The following GRID2 variants were observed in gnomAD, a reference collection of about 807,000 sequenced individuals.
GRID2 encodes glutamate ionotropic receptor delta type subunit 2.
In GRID2, 33 loss-of-function variants were observed where a neutral mutation model predicts 114.8. That is an observed-to-expected ratio of 0.29 (90% CI 0.22 to 0.38). The LOEUF is 0.38. Among genes scored for constraint, GRID2 ranks in the 10% least tolerant of loss-of-function variants. GRID2 has a pLI of 1.00. For synonymous variants in GRID2, 505 were observed against 449.9 expected, an observed-to-expected ratio of 1.12 and a Z score of -1.55; for missense variants, 1,184 against 1,257.7, an observed-to-expected ratio of 0.94 and a Z score of 0.89.
intron 1 of GRID2, among the ~76,000 whole-genome samples, chr4:92,575,809 C>T (rs1160638978): frequency 6.6e-6 from 1 of 152,162 alleles, no homozygotes; most frequent in Non-Finnish European, 1.5e-5. Context: ...TTTGAACAGC[C>T]AAGGTGGTGG....
chr4:93,685,812 C>T (rs923021090), intron 14 of GRID2, among the ~76,000 whole-genome samples: 2 of 152,012 alleles, frequency 1.3e-5, no homozygotes, highest in Non-Finnish European at 2.9e-5. Flanking sequence ...TGACTCTGCC[C>T]CTATTTCCAT....
chr4:93,167,568 C>T lies in GRID2; in HGVS notation c.736-39836C>T, dbSNP rs72889634. On this transcript the variant is annotated intron_variant, in intron 4 of 15. Transcript: ENST00000282020. ...TCTGCAACACAACCACCACCACCAACAGAAAATGGCAAGAAAGGAAATAAA... is the reference window on the plus strand; with the variant it reads ...TCTGCAACACAACCACCACCACCAATAGAAAATGGCAAGAAAGGAAATAAA... 2.3e-3 allele frequency among the ~76,000 whole-genome samples: 354 copies of T among 152,124 alleles called. 2 individuals are homozygous for T. Among genetic ancestry groups the T allele is most frequent in the African/African-American group, 8.0e-3 (334 of 41,504 alleles).
intron 2 of GRID2, among the ~76,000 whole-genome samples, chr4:92,632,677 A>G (rs1184114770): frequency 1.3e-5 from 2 of 149,542 alleles, no homozygotes; most frequent in South Asian, 4.2e-4. Flanking sequence ...TGAAGAAAGG[A>G]AAGGAAGGGA....
At chr4:93,554,455 G>T (rs1236815219) in intron 13 of GRID2, among the ~76,000 whole-genome samples, 4 of 151,150 alleles carry the variant, frequency 2.6e-5, no homozygotes, top group South Asian at 2.1e-4. Context: ...TTAAATTTTT[G>T]GTTACAGATA....
chr4:93,507,132 C>A (rs1025028475), intron 12 of GRID2, among the ~76,000 whole-genome samples: 2 of 152,166 alleles, frequency 1.3e-5, no homozygotes, highest in Non-Finnish European at 2.9e-5. Context: ...AAGGACACCC[C>A]TTCAGGCACT....
intron 2 of GRID2, among the ~76,000 whole-genome samples, chr4:92,673,741 T>A (rs1223138168): frequency 1.3e-5 from 2 of 152,164 alleles, no homozygotes; most frequent in Non-Finnish European, 2.9e-5. Flanking sequence ...AGTTGACTTT[T>A]CTGTCCTTGT....
intron 2 of GRID2, among the ~76,000 whole-genome samples, chr4:92,986,471 G>T (rs572068195): frequency 2.0e-5 from 3 of 152,098 alleles, no homozygotes; most frequent in African/African-American, 7.2e-5. Context: ...GTTGGTCATG[G>T]TAGGCACAGG....
chr4:92,417,086 A>T (rs1308915777), intron 1 of GRID2, among the ~76,000 whole-genome samples: 1 of 151,938 alleles, frequency 6.6e-6, no homozygotes, highest in African/African-American at 2.4e-5. Context: ...CAGTGTTTTC[A>T]AATATATGTA....
At chr4:93,097,562 T>C (rs923496561) in intron 3 of GRID2, among the ~76,000 whole-genome samples, 3 of 151,802 alleles carry the variant, frequency 2.0e-5, no homozygotes, top group Non-Finnish European at 4.4e-5. Flanking sequence ...TCAATCAAAA[T>C]TTTGCAGGGT....
chr4:93,094,922 T>C (rs2149333305), intron 3 of GRID2, among the ~76,000 whole-genome samples: 1 of 152,046 alleles, frequency 6.6e-6, no homozygotes, highest in East Asian at 1.9e-4. Context: ...TTGATGTTGG[T>C]ATTTGAAAAA....
chr4:92,488,453 G>C (rs578126831), intron 1 of GRID2, among the ~76,000 whole-genome samples: 7 of 152,134 alleles, frequency 4.6e-5, no homozygotes, highest in Non-Finnish European at 1.0e-4. Flanking sequence ...GAAGGATTTG[G>C]GGTGCTGGCA....
intron 2 of GRID2, among the ~76,000 whole-genome samples, chr4:92,901,379 T>A (rs1747572944): frequency 6.6e-6 from 1 of 152,154 alleles, no homozygotes; most frequent in South Asian, 2.1e-4. Flanking sequence ...GCTTGTAGAT[T>A]CTGGATGTTA....
At chr4:92,787,787 A>G (rs1439685474) in intron 2 of GRID2, among the ~76,000 whole-genome samples, 1 of 151,858 alleles carries the variant, frequency 6.6e-6, no homozygotes, top group Non-Finnish European at 1.5e-5. Flanking sequence ...AGGTGTTACC[A>G]TTATCCTGAT....
chr4:92,686,890 C>A (rs1439736778), intron 2 of GRID2, among the ~76,000 whole-genome samples: 1 of 151,908 alleles, frequency 6.6e-6, no homozygotes, highest in Non-Finnish European at 1.5e-5. Flanking sequence ...TAGAGTTTTT[C>A]AAAAAATATG....
At chr4:92,640,149 A>G (rs2149252679) in intron 2 of GRID2, among the ~76,000 whole-genome samples, 1 of 151,958 alleles carries the variant, frequency 6.6e-6, no homozygotes, top group East Asian at 1.9e-4. Flanking sequence ...ATACCGTTTT[A>G]CACAAAATGG....
chr4:93,403,229 A>G (rs10029349), intron 9 of GRID2, among the ~76,000 whole-genome samples: 35,104 of 152,048 alleles, frequency 0.23, 5,792 homozygotes, highest in African/African-American at 0.47. Flanking sequence ...GATATCTAAA[A>G]TAAACTTAAA....
At chr4:92,942,912 G>A (rs994020737) in intron 2 of GRID2, among the ~76,000 whole-genome samples, 5 of 152,118 alleles carry the variant, frequency 3.3e-5, no homozygotes, top group Non-Finnish European at 7.3e-5. Flanking sequence ...CTCTCTTCTG[G>A]CTTGTAGAGT....
chr4:93,358,456 G>A (rs773522529), intron 8 of GRID2, among the ~76,000 whole-genome samples: 84 of 151,856 alleles, frequency 5.5e-4, no homozygotes, highest in Middle Eastern at 3.7e-3. Flanking sequence ...ATAGCATATT[G>A]GTAAGCATCC....
Position 92,383,989 on chromosome 4 carries a change from T to C in GRID2, c.88+79245T>C, listed in dbSNP as rs1039636991. Among the ~76,000 whole-genome samples the C allele has an allele frequency of 3.3e-5, 5 of 151,990 alleles. No homozygotes were observed. The Admixed American group carries it at 3.3e-4, about 10-fold the overall frequency. ...TAAAGTAGCCTTTAAGATATTTAAT[T>C]GTCAAAACCTTTCTTAATGGAAATA... On this transcript the variant is annotated intron_variant, in intron 1 of 15. Transcript: ENST00000282020.
Sources: gnomAD v4.1 joint callset for allele counts (sites outside exome capture counted in the v4.1 genomes callset) on GRCh38, gnomAD v4.1.1 for gene constraint, MANE v1.5 for transcripts, NCBI Gene and HGNC (gene_info 2026-07-23, HGNC 2026-07-21) for gene names.